The following PFKP variants were observed in gnomAD, a reference collection of about 807,000 sequenced individuals.
PFKP encodes ATP-dependent 6-phosphofructokinase, platelet type.
A neutral mutation model predicts 94.3 loss-of-function variants in PFKP; 101 were observed. The ratio of observed to expected loss-of-function variants is 1.07; its 90% CI spans 0.91 to 1.26. The LOEUF (loss-of-function observed/expected upper bound fraction) is 1.26. Among genes scored for constraint, PFKP ranks in the 50% most tolerant of loss-of-function variants. The pLI is 0.00. For synonymous variants in PFKP, 573 were observed against 432.6 expected, an observed-to-expected ratio of 1.32 and a Z score of -4.03; for missense variants, 1,145 against 1,103.3, an observed-to-expected ratio of 1.04 and a Z score of -0.53.
chr10:3,104,569 G>A (rs531553387), intron 5 of PFKP, among the ~76,000 whole-genome samples: 42 of 152,330 alleles, frequency 2.8e-4, no homozygotes, highest in Admixed American at 5.9e-4. Flanking sequence ...TCCCAGTGAC[G>A]CCTCACTGGA....
chr10:3,101,136 C>T, intron 3 of PFKP: 2 of 789,486 alleles, frequency 2.5e-6, no homozygotes, highest in Admixed American at 2.2e-5. Flanking sequence ...TGGCTCTGCA[C>T]CCTCCCTGGC....
At chr10:3,134,130 G>A (rs1460466041) in intron 19 of PFKP, among the ~76,000 whole-genome samples, 4 of 152,160 alleles carry the variant, frequency 2.6e-5, no homozygotes, top group Non-Finnish European at 1.5e-5. Flanking sequence ...TGAAATAGTA[G>A]GCATATGTGT....
Position 3,107,242 on chromosome 10 carries a change from T to A in PFKP, c.803T>A (p.Ile268Asn), listed in dbSNP as rs376199782. 3.1e-6 allele frequency: 5 copies of A among 1,611,486 alleles called. No individual in the cohort carries two copies. The highest frequency in any genetic ancestry group is 4.2e-6 in the Non-Finnish European group (5 of 1,178,280). ...ENRARKKRLNIIIVAEGAIDT... is the reference protein window; with the variant it reads ...ENRARKKRLNNIIVAEGAIDT... ...CGTGCCCGGAAAAAAAGGCTGAATA[T>A]TATTATTGTGGCTGAAGGAGCAATT... The change falls in exon 8 of 22, where the codon ATT becomes AAT. Residue 268 changes from isoleucine to asparagine, a missense_variant. Coordinates refer to ENST00000381125, the MANE Select transcript of PFKP (RefSeq NM_002627.5).
intron 19 of PFKP, among the ~76,000 whole-genome samples, chr10:3,134,227 G>C (rs963456100): frequency 6.6e-6 from 1 of 152,172 alleles, no homozygotes; most frequent in African/African-American, 2.4e-5. Flanking sequence ...CCTGATTTAA[G>C]ATTTTAAAAT....
chr10:3,102,307 C>T (rs1447343828), intron 4 of PFKP, among the ~76,000 whole-genome samples: 2 of 144,840 alleles, frequency 1.4e-5, no homozygotes, highest in East Asian at 2.0e-4. Context: ...TTTATTTAGA[C>T]GATAAATCTC....
rs1267466105 is a variant in PFKP, at chr10:3,103,813, C to T, written c.489C>T (p.Ala163=). 6.2e-7 allele frequency: 1 copy of T among 1,614,016 alleles called. No individual in the cohort carries two copies. The highest frequency in any genetic ancestry group is 1.1e-5 in the South Asian group (1 of 91,084). Residue 163 remains alanine (A), a synonymous_variant, in exon 5 of 22, where the codon GCC becomes GCT. Coordinates refer to ENST00000381125, the MANE Select transcript of PFKP (RefSeq NM_002627.5). Reference sequence around the variant, plus strand: ...ATAAGGAGGCCGTGCAGAAGTACGCCTACCTCAACGTGGTGGGCATGGTGG... The same window carrying T: ...ATAAGGAGGCCGTGCAGAAGTACGCTTACCTCAACGTGGTGGGCATGGTGG... ...QIDKEAVQKY[A]YLNVVGMVGS...
intron 1 of PFKP, among the ~76,000 whole-genome samples, chr10:3,073,940 C>T (rs555225850): frequency 2.0e-5 from 3 of 152,214 alleles, no homozygotes; most frequent in South Asian, 2.1e-4. Context: ...TGAGTTCAAG[C>T]GATTTTCCTG....
chr10:3,125,851 T>C (rs1462461689), intron 16 of PFKP, among the ~76,000 whole-genome samples: 1 of 152,204 alleles, frequency 6.6e-6, no homozygotes, highest in Admixed American at 6.5e-5. Context: ...AAGCTGGACA[T>C]GAAGACCTAT....
chr10:3,132,415 C>G lies in PFKP; in HGVS notation c.1884C>G (p.Thr628=), dbSNP rs751469985. Residue 628 remains threonine (T), a synonymous_variant, in exon 18 of 22, where the codon ACC becomes ACG. Transcript: ENST00000381125. ...AGCACCTGACGGAGAAAATGAAGAC[C>G]ACCATCCAGAGAGGCCTTGTGCTCA... ...NVEHLTEKMK[T]TIQRGLVLRN... The G allele has an allele frequency of 6.2e-7, 1 of 1,612,486 alleles. No homozygotes were observed. Among genetic ancestry groups the G allele is most frequent in the South Asian group, 1.1e-5 (1 of 91,048 alleles).
intron 1 of PFKP, chr10:3,069,196 G>C: frequency 7.9e-7 from 1 of 1,269,342 alleles, no homozygotes; most frequent in Non-Finnish European, 1.0e-6. Context: ...CCCGCAGCCC[G>C]CCCTGCAGCG....
chr10:3,126,001 G>A (rs1037545661), intron 16 of PFKP, among the ~76,000 whole-genome samples: 4 of 152,200 alleles, frequency 2.6e-5, no homozygotes, highest in Admixed American at 6.5e-5. Context: ...ACTGCTGGCC[G>A]GGGTAGGCCT....
At chr10:3,103,532 G>C (rs1326831494) in intron 4 of PFKP, among the ~76,000 whole-genome samples, 2 of 152,206 alleles carry the variant, frequency 1.3e-5, no homozygotes, top group Non-Finnish European at 2.9e-5. Flanking sequence ...AGGAGACTGA[G>C]GCAGAAGGAT....
In PFKP at chr10:3,105,100, C is replaced by A; in HGVS notation, c.621-15C>A. On this transcript the variant is annotated splice_polypyrimidine_tract_variant and intron_variant, in intron 5 of 21. Coordinates refer to ENST00000381125, the MANE Select transcript of PFKP (RefSeq NM_002627.5). Reference sequence around the variant, plus strand: ...TTCTGAGCTGTGTCCGGGGCTCCCTCTGTTTCTCTTCCAGCCACCAGAGGA... The same window carrying A: ...TTCTGAGCTGTGTCCGGGGCTCCCTATGTTTCTCTTCCAGCCACCAGAGGA... The A allele has an allele frequency of 6.2e-7, 1 of 1,613,714 alleles. No individual in the cohort carries two copies. The highest frequency in any genetic ancestry group is 8.5e-7 in the Non-Finnish European group (1 of 1,179,676).
chr10:3,098,215 C>T (rs1244243618), intron 2 of PFKP, among the ~76,000 whole-genome samples: 1 of 152,090 alleles, frequency 6.6e-6, no homozygotes, highest in Admixed American at 6.5e-5. Flanking sequence ...CTTATGGATC[C>T]AACAATAATC....
intron 1 of PFKP, among the ~76,000 whole-genome samples, chr10:3,080,345 G>A (rs971835833): frequency 4.6e-5 from 7 of 151,932 alleles, no homozygotes; most frequent in Admixed American, 2.6e-4. Flanking sequence ...GTGAAACCCC[G>A]TCTCTACTAA....
chr10:3,093,706 C>T (rs929509042), intron 2 of PFKP, among the ~76,000 whole-genome samples: 1 of 136,778 alleles, frequency 7.3e-6, no homozygotes, highest in African/African-American at 2.8e-5. Flanking sequence ...TGCAGTGGCG[C>T]AATCTCAGCT....
At chr10:3,099,930 TGA>T (rs1834818851) in intron 3 of PFKP, among the ~76,000 whole-genome samples, 1 of 151,732 alleles carries the variant, frequency 6.6e-6, no homozygotes, top group Non-Finnish European at 1.5e-5. Context: ...TGTAGGTGTG[TGA>T]GTCTGAGTGT....
intron 8 of PFKP, chr10:3,107,616 A>G (rs1158256066): frequency 1.9e-5 from 7 of 371,356 alleles, no homozygotes; most frequent in Non-Finnish European, 2.2e-5. Flanking sequence ...GCTCTTAAAC[A>G]TGAGCTGCTC....
chr10:3,115,418 CCCG>C (rs1836714743), intron 13 of PFKP, among the ~76,000 whole-genome samples: 2 of 65,552 alleles, frequency 3.1e-5, no homozygotes, highest in South Asian at 1.6e-3. Context: ...AGGTGTGTGT[CCCG>C]CCATGGAGGA....
Sources: gnomAD v4.1 joint callset for allele counts (sites outside exome capture counted in the v4.1 genomes callset) on GRCh38, gnomAD v4.1.1 for gene constraint, MANE v1.5 for transcripts, NCBI Gene and HGNC (gene_info 2026-07-23, HGNC 2026-07-21) for gene names.